The following SUCLG2 variants were observed in gnomAD, a reference collection of about 807,000 sequenced individuals.
The protein encoded by SUCLG2 is succinate-CoA ligase GDP-forming subunit beta.
Under a neutral mutation model 47.9 loss-of-function variants are expected in SUCLG2, and 42 were observed. The ratio of observed to expected loss-of-function variants is 0.88; its 90% CI spans 0.69 to 1.14. SUCLG2 has a LOEUF of 1.14. SUCLG2 is among the 50% of genes most tolerant of loss of function. SUCLG2 has a pLI of 0.00. For missense variants in SUCLG2, 571 were observed against 525.9 expected (o/e 1.09, Z -0.84); for synonymous variants, 195 against 197.3 (o/e 0.99, Z 0.10).
At chr3:67,413,342 A>G (rs896903715) in intron 9 of SUCLG2, among the ~76,000 whole-genome samples, 2 of 152,214 alleles carry the variant, frequency 1.3e-5, no homozygotes, top group African/African-American at 4.8e-5. Context: ...TATTTTCAGC[A>G]TGATGAAAGA....
intron 10 of SUCLG2, among the ~76,000 whole-genome samples, chr3:67,376,840 C>T (rs1168296734): frequency 6.6e-6 from 1 of 152,212 alleles, no homozygotes; most frequent in African/African-American, 2.4e-5. Flanking sequence ...TCACCTACTC[C>T]TGTTTTTACA....
At chr3:67,505,036 T>C (rs1299935733) in intron 7 of SUCLG2, among the ~76,000 whole-genome samples, 1 of 152,228 alleles carries the variant, frequency 6.6e-6, no homozygotes, top group Non-Finnish European at 1.5e-5. Context: ...TGACTCAGTG[T>C]CCCTTCTTCC....
chr3:67,535,980 G>A (rs978044106), intron 2 of SUCLG2, among the ~76,000 whole-genome samples: 1 of 152,226 alleles, frequency 6.6e-6, no homozygotes. Context: ...GCCCACAAGT[G>A]TTGCGGGTTG....
At chr3:67,537,167 A>C (rs1450807177) in intron 2 of SUCLG2, among the ~76,000 whole-genome samples, 3 of 151,806 alleles carry the variant, frequency 2.0e-5, no homozygotes, top group African/African-American at 7.3e-5. Flanking sequence ...TACCTTAGAT[A>C]TTTCTCCTAA....
chr3:67,360,626 T>G, exon 11 of SUCLG2: 1 of 1,504,928 alleles, frequency 6.6e-7, no homozygotes, highest in Non-Finnish European at 8.8e-7. Flanking sequence ...GCAAAGTAAA[T>G]CTTTAACATA....
chr3:67,643,880 T>C (rs1701145775), intron 1 of SUCLG2, among the ~76,000 whole-genome samples: 2 of 152,222 alleles, frequency 1.3e-5, no homozygotes, highest in African/African-American at 4.8e-5. Context: ...TTTCACCATG[T>C]TGGCCAGGCT....
At chr3:67,511,674 A>C (rs910511197) in intron 6 of SUCLG2, among the ~76,000 whole-genome samples, 3 of 152,246 alleles carry the variant, frequency 2.0e-5, no homozygotes, top group African/African-American at 7.2e-5. Context: ...GCGTGAGAAC[A>C]GACGAGTACA....
At chr3:67,592,751 T>TAAAAA (rs1708198843) in intron 2 of SUCLG2, among the ~76,000 whole-genome samples, 1 of 124,234 alleles carries the variant, frequency 8.0e-6, no homozygotes, top group African/African-American at 3.5e-5. Flanking sequence ...AAAAAAAAAC[T>TAAAAA]GAATATCAAA....
intron 2 of SUCLG2, among the ~76,000 whole-genome samples, chr3:67,552,754 A>C (rs1056320856): frequency 2.0e-5 from 3 of 152,232 alleles, no homozygotes; most frequent in Non-Finnish European, 4.4e-5. Context: ...CAAGGATGCA[A>C]TCTATGTAAA....
chr3:67,506,446 T>C (rs934587955), intron 7 of SUCLG2, among the ~76,000 whole-genome samples: 1 of 152,178 alleles, frequency 6.6e-6, no homozygotes, highest in Non-Finnish European at 1.5e-5. Context: ...TATGTTTTAA[T>C]GAACTGTATA....
intron 1 of SUCLG2, among the ~76,000 whole-genome samples, chr3:67,627,769 T>C (rs1348765186): frequency 6.6e-6 from 1 of 152,218 alleles, no homozygotes. Flanking sequence ...CAAGACTAGC[T>C]GGTTCCAGTT....
At chr3:67,437,197 T>C (rs888189777) in intron 9 of SUCLG2, among the ~76,000 whole-genome samples, 1 of 152,164 alleles carries the variant, frequency 6.6e-6, no homozygotes, top group African/African-American at 2.4e-5. Flanking sequence ...TCAGTCTTTT[T>C]TATAACCGAA....
At chr3:67,649,575 G>A (rs1031491500) in intron 1 of SUCLG2, among the ~76,000 whole-genome samples, 2 of 151,920 alleles carry the variant, frequency 1.3e-5, no homozygotes, top group African/African-American at 4.8e-5. Context: ...ATACTAAACT[G>A]CTCACTACAA....
chr3:67,609,368 A>G (rs1359251502), intron 2 of SUCLG2, 87 bp downstream of exon 2: 5 of 1,489,856 alleles, frequency 3.4e-6, no homozygotes, highest in Non-Finnish European at 3.6e-6. Flanking sequence ...TTTAATCCAC[A>G]ACAAAAAAAA....
chr3:67,440,068 A>G (rs557131658), intron 9 of SUCLG2, among the ~76,000 whole-genome samples: 10 of 152,130 alleles, frequency 6.6e-5, no homozygotes, highest in Admixed American at 2.6e-4. Flanking sequence ...GCCCTCAGAA[A>G]TAACGCCACA....
At chr3:67,403,437 A>T (rs1702734478) in intron 9 of SUCLG2, among the ~76,000 whole-genome samples, 1 of 152,228 alleles carries the variant, frequency 6.6e-6, no homozygotes, top group Non-Finnish European at 1.5e-5. Flanking sequence ...TGAATGAATT[A>T]ATTTCAACAG....
chr3:67,486,702 T>C (rs1245678104), intron 9 of SUCLG2, among the ~76,000 whole-genome samples: 3 of 152,112 alleles, frequency 2.0e-5, no homozygotes, highest in Admixed American at 6.6e-5. Context: ...CTAGAAAGCA[T>C]TCAATACTAT....
chr3:67,591,962 A>G (rs933740888), intron 2 of SUCLG2, among the ~76,000 whole-genome samples: 1 of 152,230 alleles, frequency 6.6e-6, no homozygotes, highest in Non-Finnish European at 1.5e-5. Flanking sequence ...AAATAATAAC[A>G]GCAATAATAA....
At chr3:67,452,388 G>C (rs1002488190) in intron 9 of SUCLG2, among the ~76,000 whole-genome samples, 2 of 152,156 alleles carry the variant, frequency 1.3e-5, no homozygotes, top group Admixed American at 6.5e-5. Context: ...ATTTGGGCCT[G>C]CTTTTACAAA....
Sources: gnomAD v4.1 joint callset for allele counts (sites outside exome capture counted in the v4.1 genomes callset) on GRCh38, gnomAD v4.1.1 for gene constraint, MANE v1.5 for transcripts, NCBI Gene and HGNC (gene_info 2026-07-23, HGNC 2026-07-21) for gene names.